The following FHL1 variants were observed in gnomAD, a reference collection of about 807,000 sequenced individuals.
FHL1 encodes four and a half LIM domains protein 1.
FHL1 carries 1 observed loss-of-function variant against 20.3 expected under a neutral mutation model. The observed-to-expected ratio is 0.05, with a 90% CI of 0.02 to 0.23. The LOEUF (loss-of-function observed/expected upper bound fraction) is 0.23. Ranked by LOEUF, FHL1 falls within the 10% of genes least tolerant of loss-of-function variation. The pLI, the probability that FHL1 is intolerant of heterozygous loss-of-function variation, is 1.00. For synonymous variants in FHL1, 82 were observed against 88.9 expected (o/e 0.92, Z 0.44); for missense variants, 177 against 234.0 (o/e 0.76, Z 1.59).
In FHL1 at chrX:136,183,107, A is replaced by C. The variant is rs369573250; in HGVS notation, c.-27+13127A>C. On this transcript the variant is annotated intron_variant, in intron 2 of 6. Transcript: ENST00000394153. ...GCGAGACTGTCTCAAAAAAAAAAAA[A>C]ACAAAAAACAAACAAACAAAAAAAA... Among the ~76,000 whole-genome samples, 29 of 100,941 alleles carry C rather than the reference A, an allele frequency of 2.9e-4. No homozygotes were observed. In the East Asian group the frequency reaches 7.7e-3, roughly 27 times the overall value. 87.7% of individuals were successfully genotyped at this position (100,941 alleles called of 115,157 possible).
chrX:136,192,694 C>T (rs1301499754), upstream of FHL1, among the ~76,000 whole-genome samples: 1 of 112,044 alleles, frequency 8.9e-6, no homozygotes, highest in Non-Finnish European at 1.9e-5. Flanking sequence ...CAAATCCCCC[C>T]TCTTGGGGTT....
At chrX:136,184,341 A>T (rs2073235434) in intron 2 of FHL1, among the ~76,000 whole-genome samples, 1 of 111,905 alleles carries the variant, frequency 8.9e-6, no homozygotes, top group Non-Finnish European at 1.9e-5. Context: ...TGGAGGCTAA[A>T]CCATGTCAGT....
intron 1 of FHL1, among the ~76,000 whole-genome samples, chrX:136,198,980 T>C (rs2073632316): frequency 9.0e-6 from 1 of 111,668 alleles, no homozygotes; most frequent in Admixed American, 9.5e-5. Context: ...CTGGATTGGC[T>C]TCTTAAAATA....
chrX:136,200,513 G>C (rs1315803100), intron 1 of FHL1, among the ~76,000 whole-genome samples: 1 of 112,156 alleles, frequency 8.9e-6, no homozygotes, highest in African/African-American at 3.2e-5. Flanking sequence ...TAGAGGCTCA[G>C]ATAATTGGAT....
At chrX:136,174,963 ATC>A (rs1366056004) in intron 2 of FHL1, among the ~76,000 whole-genome samples, 3 of 112,399 alleles carry the variant, frequency 2.7e-5, no homozygotes, top group African/African-American at 9.7e-5. Context: ...AAAGAAAGAA[ATC>A]AACAGTTTCA....
chrX:136,146,918 G>A, upstream of FHL1: 2 of 329,003 alleles, frequency 6.1e-6, no homozygotes, highest in Non-Finnish European at 1.2e-5. Flanking sequence ...GTCGTCGGTG[G>A]GCCTTTCGGC....
At chrX:136,158,356 G>GAA (rs1394586809) in intron 1 of FHL1, among the ~76,000 whole-genome samples, 1 of 111,729 alleles carries the variant, frequency 9.0e-6, no homozygotes, top group Non-Finnish European at 1.9e-5. Flanking sequence ...TCACCTTCTA[G>GAA]AAAAATCCAA....
intron 1 of FHL1, among the ~76,000 whole-genome samples, chrX:136,155,462 T>A (rs777633601): frequency 8.9e-6 from 1 of 112,275 alleles, no homozygotes; most frequent in Non-Finnish European, 1.9e-5. Context: ...TCATTCCTTC[T>A]TTACAGCTAG....
At chrX:136,169,733 A>G in exon 1 of FHL1, 2 of 326,394 alleles carry the variant, frequency 6.1e-6, no homozygotes, top group Admixed American at 6.4e-5. Flanking sequence ...CATTTGGAGA[A>G]GTATGCAGAA....
chrX:136,174,499 CTCTT>C (rs376006963), intron 2 of FHL1, among the ~76,000 whole-genome samples: 1 of 111,527 alleles, frequency 9.0e-6, no homozygotes, highest in African/African-American at 3.3e-5. Flanking sequence ...GGACCTCCCT[CTCTT>C]TGAGTAGCAA....
At chrX:136,146,979 C>G, upstream of FHL1, 1 of 322,803 alleles carries the variant, frequency 3.1e-6, no homozygotes. Context: ...CGGCGTGGGC[C>G]CCGAAGCGGG....
chrX:136,193,361 T>C (rs185974440), upstream of FHL1, among the ~76,000 whole-genome samples: 44 of 111,975 alleles, frequency 3.9e-4, no homozygotes, highest in African/African-American at 1.4e-3. Context: ...CTTTGAACTT[T>C]TGAAGTTTGA....
intron 1 of FHL1, among the ~76,000 whole-genome samples, chrX:136,160,172 G>A (rs768823992): frequency 4.0e-4 from 45 of 111,418 alleles, no homozygotes; most frequent in Non-Finnish European, 7.2e-4. Context: ...TCTGTGGTAC[G>A]TGGTAGTGGG....
chrX:136,192,250 T>A (rs1211830400), upstream of FHL1, among the ~76,000 whole-genome samples: 2 of 112,053 alleles, frequency 1.8e-5, no homozygotes, highest in Non-Finnish European at 3.8e-5. Flanking sequence ...TTGTTCGGTG[T>A]TTTCCTGATA....
chrX:136,187,834 A>G (rs1012808745), intron 2 of FHL1, among the ~76,000 whole-genome samples: 2 of 111,946 alleles, frequency 1.8e-5, no homozygotes, highest in Non-Finnish European at 3.8e-5. Flanking sequence ...TACACTTTAT[A>G]AAGGTGAATT....
intron 2 of FHL1, among the ~76,000 whole-genome samples, chrX:136,185,688 C>G (rs1225127805): frequency 8.9e-6 from 1 of 112,154 alleles, no homozygotes; most frequent in Non-Finnish European, 1.9e-5. Flanking sequence ...TCAGAAAAGA[C>G]TGACCTTTGA....
intron 2 of FHL1, among the ~76,000 whole-genome samples, 194 bp downstream of exon 2, chrX:136,206,782 C>T (rs1335038257): frequency 8.8e-6 from 1 of 113,460 alleles, no homozygotes; most frequent in Non-Finnish European, 1.9e-5. Flanking sequence ...ACTGGATGGG[C>T]GCCAGCGCCC....
rs2073287624 is a variant in FHL1 at position 136,186,383 on chromosome X, T to C, written c.-27+16403T>C. On this transcript the variant is annotated intron_variant, in intron 2 of 6. Transcript: ENST00000394153. Reference sequence around the variant, plus strand: ...AACAATGTGCCATTTCAGTAAACTTTGGTGGGTGCTCCCTCATCCACTCCA... The same window carrying C: ...AACAATGTGCCATTTCAGTAAACTTCGGTGGGTGCTCCCTCATCCACTCCA... Among the ~76,000 whole-genome samples the C allele has an allele frequency of 2.7e-5, 3 of 111,324 alleles. No homozygotes were observed. In the South Asian group the frequency reaches 1.2e-3, roughly 43 times the overall value.
At chrX:136,178,494 G>T (rs925686176) in intron 2 of FHL1, among the ~76,000 whole-genome samples, 10 of 110,992 alleles carry the variant, frequency 9.0e-5, no homozygotes, top group Non-Finnish European at 1.9e-5. Flanking sequence ...TACTCAGGAG[G>T]CTGAGGCATG....
Sources: gnomAD v4.1 joint callset for allele counts (sites outside exome capture counted in the v4.1 genomes callset) on GRCh38, gnomAD v4.1.1 for gene constraint, MANE v1.5 for transcripts, NCBI Gene and HGNC (gene_info 2026-07-23, HGNC 2026-07-21) for gene names.